FARP1: variants seen among roughly 807,000 people sequenced by gnomAD.
The protein encoded by FARP1 is FERM, ARH/RhoGEF and pleckstrin domain protein 1.
Under a neutral mutation model 128.8 loss-of-function variants are expected in FARP1, and 52 were observed. The observed-to-expected ratio is 0.40, with a 90% CI of 0.32 to 0.51. FARP1 has a LOEUF of 0.51. Among genes scored for constraint, FARP1 ranks in the 20% least tolerant of loss-of-function variants. FARP1 has a pLI of 0.45. For missense variants in FARP1, 1,333 were observed against 1,367.9 expected, an observed-to-expected ratio of 0.97 and a Z score of 0.40; for synonymous variants, 580 against 551.8, an observed-to-expected ratio of 1.05 and a Z score of -0.72.
At chr13:98,149,242 C>T (rs1419781076) in intron 1 of FARP1, among the ~76,000 whole-genome samples, 1 of 152,164 alleles carries the variant, frequency 6.6e-6, no homozygotes, top group Non-Finnish European at 1.5e-5. Flanking sequence ...TCCCTCTCTT[C>T]TGTTCCTCTT....
chr13:98,283,795 A>G (rs1885049549), intron 2 of FARP1, among the ~76,000 whole-genome samples: 1 of 152,202 alleles, frequency 6.6e-6, no homozygotes, highest in African/African-American at 2.4e-5. Flanking sequence ...TGCCACAAAT[A>G]TGGGTATTTG....
intron 2 of FARP1, among the ~76,000 whole-genome samples, chr13:98,303,369 A>G (rs1886000250): frequency 6.6e-6 from 1 of 152,250 alleles, no homozygotes; most frequent in African/African-American, 2.4e-5. Context: ...GTATACTTAC[A>G]GTAGTTGAAT....
In FARP1 at chr13:98,409,400, C is replaced by T; in HGVS notation, c.1477C>T (p.Pro493Ser). Residue 493 changes from proline (P) to serine (S), a missense_variant, in exon 14 of 27, where the codon CCT becomes TCT. Pro to Ser is a moderately conservative substitution (Grantham distance 74). This residue lies in a region of FARP1 where 1,009 missense variants were observed against 969.8 expected (regional missense o/e 1.04). Coordinates refer to ENST00000319562, the MANE Select transcript of FARP1 (RefSeq NM_005766.4). ...TGTGAACTCGCAGGGGGGAGTGGCCCCTGCCAACGTGACCTTGTCTCCCAA... is the reference window on the plus strand; with the variant it reads ...TGTGAACTCGCAGGGGGGAGTGGCCTCTGCCAACGTGACCTTGTCTCCCAA... ...LSVNSQGGVA[P>S]ANVTLSPNLS... 1 of 1,614,050 alleles carries T rather than the reference C, an allele frequency of 6.2e-7. No homozygotes were observed. The highest frequency in any genetic ancestry group is 8.5e-7 in the Non-Finnish European group (1 of 1,180,004).
At chr13:98,302,344 TC>T (rs1167395537) in intron 2 of FARP1, among the ~76,000 whole-genome samples, 1 of 152,228 alleles carries the variant, frequency 6.6e-6, no homozygotes, top group East Asian at 1.9e-4. Context: ...CATTCATTCC[TC>T]CATTTTCCCC....
At chr13:98,302,834 C>T (rs1337136958) in intron 2 of FARP1, among the ~76,000 whole-genome samples, 6 of 152,004 alleles carry the variant, frequency 3.9e-5, no homozygotes, top group Admixed American at 6.6e-5. Context: ...AAACCAGGGG[C>T]GAGGAGAGTT....
chr13:98,262,182 A>ATTT (rs34133279), intron 2 of FARP1, among the ~76,000 whole-genome samples: 1 of 140,778 alleles, frequency 7.1e-6, no homozygotes, highest in Non-Finnish European at 1.5e-5. Context: ...CGCCCTGCTA[A>ATTT]TTTTTTTTTT....
intron 2 of FARP1, among the ~76,000 whole-genome samples, chr13:98,232,642 T>A (rs1251161592): frequency 6.6e-6 from 1 of 152,224 alleles, no homozygotes; most frequent in African/African-American, 2.4e-5. Flanking sequence ...TGTTGCACAC[T>A]TACTAGACTA....
chr13:98,293,381 G>C (rs986388681), intron 2 of FARP1, among the ~76,000 whole-genome samples: 9 of 152,124 alleles, frequency 5.9e-5, no homozygotes, highest in African/African-American at 2.2e-4. Context: ...GACCCAGCAG[G>C]CTCAGAGTCA....
intron 2 of FARP1, among the ~76,000 whole-genome samples, chr13:98,318,067 CCTTTT>C (rs1440671237): frequency 2.2e-5 from 3 of 134,096 alleles, no homozygotes; most frequent in African/African-American, 8.1e-5. Context: ...TTCTCCTCCT[CCTTTT>C]TTTTTTTTTT....
intron 1 of FARP1, among the ~76,000 whole-genome samples, chr13:98,206,961 A>G (rs1880307238): frequency 6.6e-6 from 1 of 152,184 alleles, no homozygotes; most frequent in Admixed American, 6.5e-5. Flanking sequence ...GTTAATATTT[A>G]TACACTAGAG....
chr13:98,213,527 G>A, intron 2 of FARP1, 114 bp downstream of exon 2: 1 of 1,050,860 alleles, frequency 9.5e-7, no homozygotes, highest in Non-Finnish European at 1.4e-6. Context: ...GGTCCTGCAT[G>A]TTCAGCACCT....
intron 2 of FARP1, among the ~76,000 whole-genome samples, chr13:98,279,286 G>A (rs1310720488): frequency 6.6e-6 from 1 of 152,194 alleles, no homozygotes; most frequent in African/African-American, 2.4e-5. Context: ...TCAAGAGAAT[G>A]TTGAAGTGGT....
intron 16 of FARP1, among the ~76,000 whole-genome samples, chr13:98,415,514 ACT>A (rs1270948682): frequency 6.6e-6 from 1 of 152,156 alleles, no homozygotes; most frequent in African/African-American, 2.4e-5. Context: ...GGGGACTTGC[ACT>A]CTCAAAGGAG....
chr13:98,352,932 G>C (rs1320710570), intron 3 of FARP1, among the ~76,000 whole-genome samples: 1 of 152,106 alleles, frequency 6.6e-6, no homozygotes, highest in African/African-American at 2.4e-5. Context: ...TCCATGCAGA[G>C]TTTCAGAGTA....
At chr13:98,423,765 A>G (rs569023003) in intron 16 of FARP1, among the ~76,000 whole-genome samples, 20 of 152,372 alleles carry the variant, frequency 1.3e-4, no homozygotes, top group South Asian at 1.2e-3. Flanking sequence ...AAAAGGGCTC[A>G]TGACTATAAT....
rs1197729743 is a variant in FARP1, at chr13:98,317,841, CAG to C, written c.172-25912_172-25911del. The stretch of plus-strand genomic sequence containing the variant: ...GCCTCCTTGTAGTGTCCTTTCATGG[CAG>C]AGAGAGAGCAAGCAAACTCTGGTGT... On this transcript the variant is annotated intron_variant, in intron 2 of 26. Coordinates refer to ENST00000319562, the MANE Select transcript of FARP1 (RefSeq NM_005766.4). Among the ~76,000 whole-genome samples the C allele has an allele frequency of 5.9e-5, 9 of 152,236 alleles. 1 individual carries two copies. The South Asian group carries it at 1.7e-3, about 28-fold the overall frequency.
intron 2 of FARP1, among the ~76,000 whole-genome samples, chr13:98,325,740 G>A (rs1566880547): frequency 1.3e-5 from 2 of 152,250 alleles, no homozygotes; most frequent in Admixed American, 1.3e-4. Context: ...AGCTTGTCCA[G>A]TTTGATCTGC....
intron 13 of FARP1, chr13:98,397,558 C>T (rs1289166465): frequency 6.6e-6 from 1 of 152,210 alleles, no homozygotes; most frequent in East Asian, 1.9e-4. Flanking sequence ...TTTCACCCAG[C>T]ATTCCTGCAT....
chr13:98,257,630 C>T (rs1021053472), intron 2 of FARP1, among the ~76,000 whole-genome samples: 1 of 152,086 alleles, frequency 6.6e-6, no homozygotes, highest in Non-Finnish European at 1.5e-5. Context: ...ATTAGCTAGG[C>T]ATGGTGGCAT....
Sources: gnomAD v4.1 joint callset for allele counts (sites outside exome capture counted in the v4.1 genomes callset) on GRCh38, gnomAD v4.1.1 for gene constraint, gnomAD v4.1.1 regional missense constraint, MANE v1.5 for transcripts, NCBI Gene and HGNC (gene_info 2026-07-23, HGNC 2026-07-21) for gene names.